DEUP1: variants seen among roughly 807,000 people sequenced by gnomAD.
DEUP1 encodes coiled-coil domain containing 67.
In DEUP1, 82 loss-of-function variants were observed where a neutral mutation model predicts 87.4. The observed-to-expected ratio is 0.94, with a 90% confidence interval of 0.78 to 1.13. DEUP1 has a LOEUF of 1.13. DEUP1 is among the 50% of genes most tolerant of loss of function. The probability of loss-of-function intolerance (pLI) is 0.00; values close to 1 mark genes in which losing one functional copy is unlikely to be tolerated. For synonymous variants in DEUP1, 214 were observed against 222.7 expected (o/e 0.96, Z 0.35); for missense variants, 663 against 681.5 (o/e 0.97, Z 0.30).
At position 93,437,798 on chromosome 11, in the gene DEUP1, A is replaced by G. The variant is rs939677903; in HGVS notation, c.*79A>G. The G allele has an allele frequency of 1.4e-5, 11 of 770,462 alleles. No homozygotes were observed. Among genetic ancestry groups the G allele is most frequent in the Non-Finnish European group, 2.2e-5 (10 of 462,662 alleles). 47.7% of individuals were successfully genotyped at this position (770,462 alleles called of 1,614,324 possible). A position where few individuals can be genotyped will look rare whatever the true frequency, so the allele number is the denominator to read the frequency against. On this transcript the variant is annotated 3_prime_UTR_variant, in exon 14 of 14. Coordinates refer to ENST00000298050, the MANE Select transcript of DEUP1 (RefSeq NM_181645.4). ...CTCTGGCAAAATATTTACAAAGCTGATTAATGAAACCAAGAAATTCTGTTC... is the reference window on the plus strand; with the variant it reads ...CTCTGGCAAAATATTTACAAAGCTGGTTAATGAAACCAAGAAATTCTGTTC...
At chr11:93,364,406 T>C in intron 5 of DEUP1, 112 bp downstream of exon 5, 1 of 872,266 alleles carries the variant, frequency 1.1e-6, no homozygotes, top group Non-Finnish European at 1.8e-6. Flanking sequence ...TAATAAACAC[T>C]ATTACAAACT....
intron 2 of DEUP1, among the ~76,000 whole-genome samples, chr11:93,347,069 C>T (rs1239803331): frequency 1.3e-5 from 2 of 152,080 alleles, no homozygotes; most frequent in Non-Finnish European, 2.9e-5. Context: ...GCCAGGACTT[C>T]CAATACTATG....
chr11:93,368,499 G>A (rs909916100), intron 5 of DEUP1, among the ~76,000 whole-genome samples: 3 of 152,216 alleles, frequency 2.0e-5, no homozygotes, highest in African/African-American at 7.2e-5. Flanking sequence ...CATGGCAGAA[G>A]GCAAAGGGGA....
chr11:93,371,344 A>G, intron 7 of DEUP1, 64 bp downstream of exon 7: 1 of 1,453,366 alleles, frequency 6.9e-7, no homozygotes, highest in South Asian at 1.4e-5. Flanking sequence ...ACACATATAG[A>G]GATTAGAATG....
intron 13 of DEUP1, among the ~76,000 whole-genome samples, chr11:93,436,432 C>G (rs542325742): frequency 1.3e-5 from 2 of 152,266 alleles, no homozygotes; most frequent in African/African-American, 4.8e-5. Flanking sequence ...TCCTATCCTC[C>G]TTTTTATTAG....
intron 11 of DEUP1, among the ~76,000 whole-genome samples, chr11:93,400,823 A>G (rs1388762336): frequency 1.3e-5 from 2 of 152,168 alleles, no homozygotes; most frequent in East Asian, 3.9e-4. Flanking sequence ...ATATATGACA[A>G]ACTTACAGCT....
intron 10 of DEUP1, 39 bp downstream of exon 10, chr11:93,394,695 T>TAAGA: frequency 6.9e-7 from 1 of 1,455,732 alleles, no homozygotes; most frequent in African/African-American, 1.4e-5. Flanking sequence ...CTAGGGCACA[T>TAAGA]TCTTGCTCAG....
intron 2 of DEUP1, among the ~76,000 whole-genome samples, chr11:93,336,217 T>C (rs7113579): frequency 0.46 from 70,001 of 151,818 alleles, 16,994 homozygotes; most frequent in African/African-American, 0.61. Flanking sequence ...GAAGGAGGCA[T>C]GTTTTATGTG....
chr11:93,363,285 GTCTATA>G (rs1475229266), intron 4 of DEUP1, among the ~76,000 whole-genome samples: 1 of 151,818 alleles, frequency 6.6e-6, no homozygotes, highest in Non-Finnish European at 1.5e-5. Context: ...TGACAGAATA[GTCTATA>G]TCTAGATTGT....
At chr11:93,374,431 G>C (rs1048581295) in intron 7 of DEUP1, among the ~76,000 whole-genome samples, 2 of 152,176 alleles carry the variant, frequency 1.3e-5, no homozygotes, top group African/African-American at 4.8e-5. Context: ...TTAAGTCTTT[G>C]ATCCATCTTT....
chr11:93,387,388 G>A (rs12281366), intron 8 of DEUP1, among the ~76,000 whole-genome samples: 36,761 of 151,920 alleles, frequency 0.24, 4,766 homozygotes, highest in South Asian at 0.37. Flanking sequence ...GCATGGTAAT[G>A]TTCTTATTCA....
chr11:93,342,769 C>A (rs888789696), intron 2 of DEUP1, among the ~76,000 whole-genome samples: 4 of 152,096 alleles, frequency 2.6e-5, no homozygotes, highest in African/African-American at 9.7e-5. Context: ...CTGACTCGGA[C>A]CAAGGTTTAT....
chr11:93,416,415 T>G (rs1470240142), intron 13 of DEUP1, among the ~76,000 whole-genome samples: 1 of 152,086 alleles, frequency 6.6e-6, no homozygotes, highest in Non-Finnish European at 1.5e-5. Context: ...TCTACGCAAA[T>G]AAACTAGAAA....
At chr11:93,376,240 G>A (rs559260093) in intron 7 of DEUP1, among the ~76,000 whole-genome samples, 3 of 152,200 alleles carry the variant, frequency 2.0e-5, no homozygotes, top group African/African-American at 4.8e-5. Context: ...CACTGCACCC[G>A]GCCTATATTA....
chr11:93,357,041 C>A lies in DEUP1; in HGVS notation c.295C>A (p.Gln99Lys). 5 of 1,535,454 alleles carry A rather than the reference C, an allele frequency of 3.3e-6. No individual in the cohort carries two copies. Among genetic ancestry groups the A allele is most frequent in the Non-Finnish European group, 4.4e-6 (5 of 1,134,592 alleles). Residue 99 changes from glutamine to lysine, a missense_variant and splice_region_variant, in exon 4 of 14, where the codon CAA becomes AAA. By Grantham distance (53) the Gln-to-Lys change is moderately conservative. Transcript: ENST00000298050. Reference sequence around the variant, plus strand: ...AGGACAACTACAAAGCCTAAAGGCTCAAGTAAGAAAACTTATTATAATTTA... The same window carrying A: ...AGGACAACTACAAAGCCTAAAGGCTAAAGTAAGAAAACTTATTATAATTTA... Reference protein sequence around the residue: ...YEGQLQSLKAQFSKLTNNFEK... With the variant: ...YEGQLQSLKAKFSKLTNNFEK...
intron 5 of DEUP1, among the ~76,000 whole-genome samples, chr11:93,367,476 G>A (rs1207735480): frequency 3.3e-5 from 5 of 152,074 alleles, no homozygotes; most frequent in Non-Finnish European, 1.5e-5. Flanking sequence ...TATATTGTGG[G>A]AAATAGCTAA....
chr11:93,359,349 T>C (rs1945051725), intron 4 of DEUP1, among the ~76,000 whole-genome samples: 1 of 151,694 alleles, frequency 6.6e-6, no homozygotes, highest in Non-Finnish European at 1.5e-5. Context: ...TAAAAAGGAG[T>C]TATTTTTTTT....
chr11:93,397,902 A>G (rs146793672), intron 11 of DEUP1, among the ~76,000 whole-genome samples: 2 of 152,160 alleles, frequency 1.3e-5, no homozygotes, highest in Admixed American at 6.6e-5. Context: ...GAAAAAATAT[A>G]TGAGCATATA....
At chr11:93,345,620 GC>G (rs571279027) in intron 2 of DEUP1, among the ~76,000 whole-genome samples, 9 of 152,244 alleles carry the variant, frequency 5.9e-5, no homozygotes, top group African/African-American at 2.2e-4. Context: ...GTAATGTTGA[GC>G]CTTTTTTCAT....
Sources: gnomAD v4.1 joint callset for allele counts (sites outside exome capture counted in the v4.1 genomes callset) on GRCh38, gnomAD v4.1.1 for gene constraint, MANE v1.5 for transcripts, NCBI Gene and HGNC (gene_info 2026-07-23, HGNC 2026-07-21) for gene names.